Variants in MYO16 observed in about 807,000 individuals in gnomAD.
MYO16 encodes myosin XVI.
MYO16 carries 94 observed loss-of-function variants against 205.3 expected under a neutral mutation model. That is an observed-to-expected ratio of 0.46 (90% CI 0.39 to 0.54). The LOEUF (loss-of-function observed/expected upper bound fraction) is 0.54, where lower values mean the gene tolerates loss of function less well. Among genes scored for constraint, MYO16 ranks in the 20% least tolerant of loss-of-function variants. The probability of loss-of-function intolerance (pLI) is 0.00; values close to 1 mark genes in which losing one functional copy is unlikely to be tolerated. For synonymous variants in MYO16, 988 were observed against 954.0 expected, an observed-to-expected ratio of 1.04 and a Z score of -0.66; for missense variants, 2,315 against 2,387.5, an observed-to-expected ratio of 0.97 and a Z score of 0.63.
chr13:108,827,912 T>C (rs1876368222), intron 9 of MYO16, among the ~76,000 whole-genome samples: 1 of 152,180 alleles, frequency 6.6e-6, no homozygotes, highest in Non-Finnish European at 1.5e-5. Context: ...TCTAATATTC[T>C]AGTTCATGGA....
chr13:108,961,651 A>ACACAAGC lies in MYO16; in HGVS notation c.2150_2151insCACAAGC (p.Glu717AspfsTer15). On this transcript the variant is annotated frameshift_variant, in exon 18 of 35. Coordinates refer to ENST00000457511, the MANE Select transcript of MYO16 (RefSeq NM_001198950.3). LOFTEE classifies it high-confidence loss of function. The stretch of plus-strand genomic sequence containing the variant: ...TTCGTTTCTGACCTCCAGCTCCTGG[A>ACACAAGC]ACAAGGTCAGTGGAACATGACCTTC... 1 of 1,610,882 alleles carries ACACAAGC rather than the reference A, an allele frequency of 6.2e-7. No individual in the cohort carries two copies. The highest frequency in any genetic ancestry group is 8.5e-7 in the Non-Finnish European group (1 of 1,177,040).
At chr13:108,866,464 G>A (rs1237920413) in intron 12 of MYO16, among the ~76,000 whole-genome samples, 1 of 152,102 alleles carries the variant, frequency 6.6e-6, no homozygotes, top group Non-Finnish European at 1.5e-5. Flanking sequence ...TGTGTAATTT[G>A]TTTATGACTA....
At chr13:109,173,729 A>G (rs911449001) in intron 33 of MYO16, among the ~76,000 whole-genome samples, 1 of 151,212 alleles carries the variant, frequency 6.6e-6, no homozygotes, top group Non-Finnish European at 1.5e-5. Flanking sequence ...CCCCGTCTCT[A>G]CTAAAAATGC....
chr13:108,907,651 A>G (rs1407087306), intron 15 of MYO16, among the ~76,000 whole-genome samples: 1 of 152,330 alleles, frequency 6.6e-6, no homozygotes, highest in East Asian at 1.9e-4. Context: ...AGATGTATAC[A>G]TATTTTGAAA....
chr13:108,823,503 T>C (rs1876094357), intron 9 of MYO16, among the ~76,000 whole-genome samples: 1 of 152,184 alleles, frequency 6.6e-6, no homozygotes, highest in Non-Finnish European at 1.5e-5. Context: ...ATTAAATCAA[T>C]TTCATGTGCC....
At chr13:108,594,832 T>C (rs1878498922), upstream of MYO16, among the ~76,000 whole-genome samples, 1 of 152,204 alleles carries the variant, frequency 6.6e-6, no homozygotes, top group Non-Finnish European at 1.5e-5. Flanking sequence ...ATACATTTGT[T>C]GGATCTCTGC....
At chr13:109,064,314 G>A (rs1454833024) in intron 27 of MYO16, among the ~76,000 whole-genome samples, 2 of 152,152 alleles carry the variant, frequency 1.3e-5, no homozygotes, top group African/African-American at 4.8e-5. Context: ...TCCAGCAAGA[G>A]GCTGGTCACC....
chr13:108,830,042 A>C (rs1438033386), intron 9 of MYO16, among the ~76,000 whole-genome samples: 2 of 140,950 alleles, frequency 1.4e-5, no homozygotes, highest in African/African-American at 5.2e-5. Context: ...GAGAAATGCA[A>C]ATCAAAACCA....
At chr13:108,765,578 A>G (rs1042890283) in intron 4 of MYO16, among the ~76,000 whole-genome samples, 50 of 152,184 alleles carry the variant, frequency 3.3e-4, no homozygotes, top group Admixed American at 3.2e-3. Context: ...CTGTTGCTAC[A>G]CCATGACTTT....
intron 10 of MYO16, among the ~76,000 whole-genome samples, chr13:108,848,818 G>A (rs748501573): frequency 2.6e-5 from 4 of 152,066 alleles, no homozygotes; most frequent in Admixed American, 6.6e-5. Context: ...CTGTCTTGAC[G>A]AAAAAAAGTT....
intron 25 of MYO16, among the ~76,000 whole-genome samples, chr13:109,053,853 C>T (rs1012886693): frequency 5.9e-5 from 9 of 152,020 alleles, no homozygotes; most frequent in African/African-American, 1.9e-4. Context: ...TTGTAGAAAA[C>T]GGGTTGATCT....
intron 4 of MYO16, among the ~76,000 whole-genome samples, chr13:108,759,621 A>G (rs1479495332): frequency 6.6e-6 from 1 of 152,102 alleles, no homozygotes; most frequent in Non-Finnish European, 1.5e-5. Context: ...GGAGATTGAG[A>G]CCATCCTGGC....
At chr13:108,952,728 T>C (rs1337217963) in intron 16 of MYO16, among the ~76,000 whole-genome samples, 1 of 152,170 alleles carries the variant, frequency 6.6e-6, no homozygotes, top group Non-Finnish European at 1.5e-5. Context: ...TCACAAATGC[T>C]CTCTGAAATT....
At chr13:108,746,353 G>A (rs1885062688) in intron 4 of MYO16, among the ~76,000 whole-genome samples, 1 of 152,152 alleles carries the variant, frequency 6.6e-6, no homozygotes, top group South Asian at 2.1e-4. Context: ...GAACAAGGTG[G>A]CAAGAAACAG....
rs1045089602 is a variant in MYO16, at chr13:109,207,572, T to G, written c.*736T>G. ...GAGGAGGCTGTTCTTTCCTATGCCC[T>G]GTATTTCTGGATAAGTGGATTGTGT... On this transcript the variant is annotated 3_prime_UTR_variant, in exon 35 of 35. Transcript: ENST00000457511. The G allele has an allele frequency of 1.3e-4, 20 of 152,358 alleles. No homozygotes were observed. The highest frequency in any genetic ancestry group is 7.2e-4 in the Admixed American group (11 of 15,306). 9.4% of individuals were successfully genotyped at this position (152,358 alleles called of 1,614,324 possible).
intron 16 of MYO16, among the ~76,000 whole-genome samples, chr13:108,924,163 C>T (rs571919771): frequency 1.2e-4 from 19 of 152,124 alleles, no homozygotes; most frequent in Non-Finnish European, 2.1e-4. Flanking sequence ...GGATACTTGG[C>T]CCTATCATTT....
the MYO16 span, among the ~76,000 whole-genome samples, chr13:108,562,232 T>C: frequency 6.6e-6 from 1 of 152,060 alleles, no homozygotes; most frequent in Non-Finnish European, 1.5e-5. Flanking sequence ...AATAAAGCAT[T>C]CTGGAGTCTC....
intron 22 of MYO16, among the ~76,000 whole-genome samples, chr13:109,012,289 G>C (rs551784663): frequency 1.3e-5 from 2 of 152,112 alleles, no homozygotes; most frequent in African/African-American, 4.8e-5. Context: ...TCACAGCAGG[G>C]GGTGAGCAGC....
intron 13 of MYO16, among the ~76,000 whole-genome samples, chr13:108,885,817 A>G (rs1238859432): frequency 2.6e-5 from 4 of 152,206 alleles, no homozygotes; most frequent in Non-Finnish European, 5.9e-5. Flanking sequence ...AAGGAGGAGC[A>G]GCAGGCCCAT....
Sources: allele counts gnomAD v4.1 joint callset (sites outside exome capture counted in the v4.1 genomes callset), GRCh38; gene constraint gnomAD v4.1.1; transcripts MANE v1.5; gene names NCBI Gene and HGNC (gene_info 2026-07-23, HGNC 2026-07-21).